Variants in KLHL11 observed in about 807,000 individuals in gnomAD.
The protein encoded by KLHL11 is kelch like family member 11.
In KLHL11, 26 loss-of-function variants were observed where a neutral mutation model predicts 56.1. The ratio of observed to expected loss-of-function variants is 0.46; its 90% CI spans 0.34 to 0.64. KLHL11 has a LOEUF of 0.64. Among genes scored for constraint, KLHL11 ranks in the 30% least tolerant of loss-of-function variants. The pLI is 0.01. For missense variants in KLHL11, 627 were observed against 919.4 expected, an observed-to-expected ratio of 0.68 and a Z score of 4.11; for synonymous variants, 338 against 345.8, an observed-to-expected ratio of 0.98 and a Z score of 0.25.
Position 41,853,498 on chromosome 17 carries a change from A to G in KLHL11, c.*242T>C, listed in dbSNP as rs978582095. On this transcript the variant is annotated 3_prime_UTR_variant, in exon 2 of 2. Coordinates refer to ENST00000319121, the MANE Select transcript of KLHL11 (RefSeq NM_018143.3). ...CACCTGATTTTTCCACTTGTCCTTA[A>G]TAAGATCTTATTTAGCTAGCACAAA... is the stretch of plus-strand genomic sequence containing the variant. The G allele has an allele frequency of 9.9e-6, 4 of 404,786 alleles. No individual in the cohort carries two copies. Among genetic ancestry groups the G allele is most frequent in the South Asian group, 1.3e-4 (2 of 14,990 alleles). The allele number at this position is 404,786 out of a possible 1,614,324, so 25.1% of individuals were successfully genotyped here. A position where few individuals can be genotyped will look rare whatever the true frequency, so the allele number is the denominator to read the frequency against.
chr17:41,854,156 A>C lies in KLHL11; in HGVS notation c.1711T>G (p.Leu571Val), dbSNP rs782441505. The C allele has an allele frequency of 7.4e-6, 12 of 1,614,014 alleles. No individual in the cohort carries two copies. In the East Asian group the frequency reaches 2.4e-4, roughly 33 times the overall value. The change falls in exon 2 of 2, where the codon TTA becomes GTA. Residue 571 changes from leucine (L) to valine (V), a missense_variant. Leu to Val is a conservative substitution (Grantham distance 32). Around this residue, in one of 4 missense-constraint regions of KLHL11, gnomAD observed 250 missense variants for 360.6 expected, o/e 0.69. Coordinates refer to ENST00000319121, the MANE Select transcript of KLHL11 (RefSeq NM_018143.3). The surrounding 1 kb of genome is among the most constrained non-coding windows in gnomAD (Gnocchi z 4.9). Reference protein sequence around the residue: ...TASCCPKSYCLENEEAVRKIA... With the variant: ...TASCCPKSYCVENEEAVRKIA... ...TTTCTTACTGCCTCTTCGTTTTCTA[A>C]ACAATAACTCTTGGGACAACATGAT...
Position 41,848,588 on chromosome 17 carries a change from T to C in KLHL11, c.*5152A>G. ...AGCTTTAACAGAGAACAAGATAGCT[T>C]CAGGAACATAAAACAAGCTATTTTA... On this transcript the variant is annotated 3_prime_UTR_variant, in exon 2 of 2. Coordinates refer to ENST00000319121, the MANE Select transcript of KLHL11 (RefSeq NM_018143.3). 3.0e-6 allele frequency: 1 copy of C among 334,520 alleles called. No homozygotes were observed. Among genetic ancestry groups the C allele is most frequent in the East Asian group, 6.0e-5 (1 of 16,550 alleles). The allele number at this position is 334,520 out of a possible 1,614,324, so 20.7% of individuals were successfully genotyped here.
chr17:41,852,778 C>CAAA lies in KLHL11; in HGVS notation c.*959_*961dup, dbSNP rs1189323899. Among the ~76,000 whole-genome samples, 9 of 49,684 alleles carry CAAA rather than the reference C, an allele frequency of 1.8e-4. No individual in the cohort carries two copies. The highest frequency in any genetic ancestry group is 6.2e-4 in the African/African-American group (9 of 14,454). 32.6% of individuals were successfully genotyped at this position (49,684 alleles called of 152,430 possible). On this transcript the variant is annotated 3_prime_UTR_variant, in exon 2 of 2. Coordinates refer to ENST00000319121, the MANE Select transcript of KLHL11 (RefSeq NM_018143.3). Reference sequence around the variant, plus strand: ...TGCACTCCAGCCTGGGCAACATGAGCAAAAAAAAAAAAAAAAAGAGAAAAG... The same window carrying CAAA: ...TGCACTCCAGCCTGGGCAACATGAGCAAAAAAAAAAAAAAAAAAAAGAGAAAAG...
At chr17:41,860,579 T>C (rs1053185666) in intron 1 of KLHL11, among the ~76,000 whole-genome samples, 4 of 152,042 alleles carry the variant, frequency 2.6e-5, no homozygotes, top group Non-Finnish European at 5.9e-5. Flanking sequence ...AACTCCCCAA[T>C]AGAGCAGGAG....
intron 1 of KLHL11, among the ~76,000 whole-genome samples, chr17:41,857,074 T>C (rs1385263046): frequency 6.6e-6 from 1 of 152,074 alleles, no homozygotes; most frequent in African/African-American, 2.4e-5. Context: ...TGCATGCCTG[T>C]AGTCTCAACT....
chr17:41,854,343 G>C lies in KLHL11; in HGVS notation c.1524C>G (p.Ala508=), dbSNP rs2048352201. 1 of 1,614,162 alleles carries C rather than the reference G, an allele frequency of 6.2e-7. No homozygotes were observed. Among genetic ancestry groups the C allele is most frequent in the Admixed American group, 1.7e-5 (1 of 60,012 alleles). ...CAGTGTCCCGGTCTACAGGAGTGCG[G>C]GCGGCAATGTATACAAACCGGTCTT... ...AIEDRFVYIA[A]RTPVDRDTED... Residue 508 remains alanine (A), a synonymous_variant, in exon 2 of 2, where the codon GCC becomes GCG. Coordinates refer to ENST00000319121, the MANE Select transcript of KLHL11 (RefSeq NM_018143.3). The surrounding 1 kb of genome is among the most constrained non-coding windows in gnomAD (Gnocchi z 4.9).
chr17:41,865,150 C>G lies in KLHL11; in HGVS notation c.221G>C (p.Ser74Thr), dbSNP rs1555623419. 7 of 1,609,998 alleles carry G rather than the reference C, an allele frequency of 4.3e-6. No homozygotes were observed. The highest frequency in any genetic ancestry group is 1.1e-5 in the South Asian group (1 of 90,354). ...CCAGGACAGCTCTGAGCAGTGAGAGCTGCACTCGAAATCCTCGGCTTCTGG... is the reference window on the plus strand; with the variant it reads ...CCAGGACAGCTCTGAGCAGTGAGAGGTGCACTCGAAATCCTCGGCTTCTGG... The part of the protein sequence containing the change: ...PGPEAEDFEC[S>T]SHCSELSWRQ... The change falls in exon 1 of 2, where the codon AGC becomes ACC. Residue 74 changes from serine (S) to threonine (T), a missense_variant. This residue lies in a region of KLHL11 where 121 missense variants were observed against 116.2 expected (regional missense o/e 1.04). Transcript: ENST00000319121.
At chr17:41,855,772 T>C (rs1555622462) in intron 1 of KLHL11, among the ~76,000 whole-genome samples, 2 of 150,386 alleles carry the variant, frequency 1.3e-5, no homozygotes, top group Admixed American at 6.6e-5. Context: ...CCCAGGCTCA[T>C]GCAATTCTCC....
At chr17:41,858,971 A>G (rs1043762025) in intron 1 of KLHL11, among the ~76,000 whole-genome samples, 58 of 152,180 alleles carry the variant, frequency 3.8e-4, no homozygotes, top group South Asian at 2.5e-3. Flanking sequence ...CTGCTCAGTC[A>G]GATATCAGAA....
At position 41,855,156 on chromosome 17, in the gene KLHL11, C is replaced by T. The variant is rs782073546; in HGVS notation, c.711G>A (p.Gln237=). The stretch of plus-strand genomic sequence containing the variant: ...AAGGTAACGTATAAAATTCTTCATC[C>T]TGAATCACTTTGTGGAAATTTCTCC... ...MIRRNFHKVI[Q]DEEFYTLPFH... Residue 237 remains glutamine (Q), a synonymous_variant, in exon 2 of 2, where the codon CAG becomes CAA. Transcript: ENST00000319121. 6 of 1,614,146 alleles carry T rather than the reference C, an allele frequency of 3.7e-6. No homozygotes were observed. In the South Asian group the frequency reaches 6.6e-5, roughly 18 times the overall value.
chr17:41,854,690 T>C lies in KLHL11; in HGVS notation c.1177A>G (p.Ile393Val). ...DEDRWVNLPH[I>V]HNHLDGHAVA... ...GCATGTCCATCGAGGTGATTATGAA[T>C]ATGTGGCAGATTTACCCATCTGTCC... Residue 393 changes from isoleucine (I) to valine (V), a missense_variant, in exon 2 of 2, where the codon ATT becomes GTT. Transcript: ENST00000319121. This position sits in a 1 kb window ranked among gnomAD's most constrained non-coding sequence, Gnocchi z 4.9. 6.2e-7 allele frequency: 1 copy of C among 1,614,166 alleles called. No homozygotes were observed. The highest frequency in any genetic ancestry group is 8.5e-7 in the Non-Finnish European group (1 of 1,180,044).
intron 1 of KLHL11, among the ~76,000 whole-genome samples, chr17:41,857,122 G>C (rs1318873153): frequency 6.6e-6 from 1 of 152,140 alleles, no homozygotes; most frequent in Non-Finnish European, 1.5e-5. Context: ...GCTGAGGTCA[G>C]GAGTTCAAGG....
At position 41,850,396 on chromosome 17, in the gene KLHL11, TTA is replaced by T. The variant is rs2048326326; in HGVS notation, c.*3342_*3343del. The T allele has an allele frequency of 6.6e-6, 1 of 152,136 alleles. No homozygotes were observed. The highest frequency in any genetic ancestry group is 2.4e-5 in the African/African-American group (1 of 41,418). 9.4% of individuals were successfully genotyped at this position (152,136 alleles called of 1,614,324 possible). ...TTTCAATCAAGGTTTTAAAACCAGA[TTA>T]TGCCTAAATCTTATGAGTTATAATT... On this transcript the variant is annotated 3_prime_UTR_variant, in exon 2 of 2. Coordinates refer to ENST00000319121, the MANE Select transcript of KLHL11 (RefSeq NM_018143.3).
Position 41,850,713 on chromosome 17 carries a change from G to C in KLHL11, c.*3027C>G, listed in dbSNP as rs1441369347. ...ATTAGTGCTTCTCAGAATCCAAATG[G>C]CTTTTACTAAAATAACTACAAAGAA... On this transcript the variant is annotated 3_prime_UTR_variant, in exon 2 of 2. Coordinates refer to ENST00000319121, the MANE Select transcript of KLHL11 (RefSeq NM_018143.3). The C allele has an allele frequency of 6.6e-6, 1 of 152,138 alleles. No homozygotes were observed. Among genetic ancestry groups the C allele is most frequent in the African/African-American group, 2.4e-5 (1 of 41,432 alleles). The allele number at this position is 152,138 out of a possible 1,614,324, so 9.4% of individuals were successfully genotyped here. A position where few individuals can be genotyped will look rare whatever the true frequency, so the allele number is the denominator to read the frequency against.
In KLHL11 at chr17:41,850,929, GTA is replaced by G. The variant is rs1555621961; in HGVS notation, c.*2809_*2810del. 6.6e-6 allele frequency: 1 copy of G among 152,090 alleles called. No homozygotes were observed. The highest frequency in any genetic ancestry group is 1.9e-4 in the East Asian group (1 of 5,204). 9.4% of individuals were successfully genotyped at this position (152,090 alleles called of 1,614,324 possible). A position where few individuals can be genotyped will look rare whatever the true frequency, so the allele number is the denominator to read the frequency against. ...CTAATTTAAAAATTTCAAGTTCTTA[GTA>G]TAGAGCCCAAGACCTACAACTTGCA... On this transcript the variant is annotated 3_prime_UTR_variant, in exon 2 of 2. Coordinates refer to ENST00000319121, the MANE Select transcript of KLHL11 (RefSeq NM_018143.3).
chr17:41,859,341 A>G (rs1313187432), intron 1 of KLHL11, among the ~76,000 whole-genome samples: 2 of 152,158 alleles, frequency 1.3e-5, no homozygotes, highest in Non-Finnish European at 2.9e-5. Flanking sequence ...AGGTGGGTGG[A>G]TCACCTGAGG....
rs1028470373 is a variant in KLHL11, at chr17:41,852,652, G to A, written c.*1088C>T. 2.6e-5 allele frequency among the ~76,000 whole-genome samples: 4 copies of A among 151,720 alleles called. No homozygotes were observed. The highest frequency in any genetic ancestry group is 7.3e-5 in the African/African-American group (3 of 41,290). On this transcript the variant is annotated 3_prime_UTR_variant, in exon 2 of 2. Coordinates refer to ENST00000319121, the MANE Select transcript of KLHL11 (RefSeq NM_018143.3). ...CTAAAAGCACAAAAATTAGCCAGGC[G>A]TGATGGTGGGTACCTGTAATCCCAG...
intron 1 of KLHL11, among the ~76,000 whole-genome samples, chr17:41,859,267 G>C (rs1403941595): frequency 6.6e-6 from 1 of 151,930 alleles, no homozygotes; most frequent in Non-Finnish European, 1.5e-5. Context: ...GTGTAGGGTT[G>C]GGCGCAGTGG....
intron 1 of KLHL11, among the ~76,000 whole-genome samples, chr17:41,856,521 A>G (rs1370390957): frequency 6.6e-6 from 1 of 152,126 alleles, no homozygotes; most frequent in Non-Finnish European, 1.5e-5. Flanking sequence ...CAAAATCTGA[A>G]AACAACAGCA....
Sources: gnomAD v4.1 joint callset for allele counts (sites outside exome capture counted in the v4.1 genomes callset) on GRCh38, gnomAD v4.1.1 for gene constraint, gnomAD v4.1.1 regional missense constraint, Gnocchi (gnomAD v3.1) non-coding constraint, MANE v1.5 for transcripts, NCBI Gene and HGNC (gene_info 2026-07-23, HGNC 2026-07-21) for gene names.